The following FAM53B variants were observed in gnomAD, a reference collection of about 807,000 sequenced individuals.
FAM53B encodes the protein protein FAM53B.
FAM53B carries 12 observed loss-of-function variants against 32.7 expected under a neutral mutation model. That is an observed-to-expected ratio of 0.37 (90% CI 0.24 to 0.59). The LOEUF (loss-of-function observed/expected upper bound fraction) is 0.59. Among genes scored for constraint, FAM53B ranks in the 20% least tolerant of loss-of-function variants. FAM53B has a pLI of 0.72. For synonymous variants in FAM53B, 234 were observed against 228.7 expected (o/e 1.02, Z -0.21); for missense variants, 477 against 577.7 (o/e 0.83, Z 1.79).
At position 124,704,486 on chromosome 10, in the gene FAM53B, G is replaced by A. The variant is rs998624747; in HGVS notation, c.78+2150C>T. 5.3e-5 allele frequency among the ~76,000 whole-genome samples: 8 copies of A among 152,208 alleles called. No individual in the cohort carries two copies. The South Asian group carries it at 1.2e-3, about 24-fold the overall frequency. Reference sequence around the variant, plus strand: ...GTGGGGGTAAGGGGTGGGCGCTGGCGCTGGGACTGAACTGTAGGTTGAGTA... The same window carrying A: ...GTGGGGGTAAGGGGTGGGCGCTGGCACTGGGACTGAACTGTAGGTTGAGTA... On this transcript the variant is annotated intron_variant, in intron 2 of 4. Coordinates refer to ENST00000337318, the MANE Select transcript of FAM53B (RefSeq NM_014661.4).
At position 124,718,402 on chromosome 10, in the gene FAM53B, T is replaced by C. The variant is rs926879362; in HGVS notation, c.-174-11515A>G. ...ATCACATGGTAAGCCTTCCGCCTTC[T>C]CCCTTCTACCCCCACATCGCGCTGC... On this transcript the variant is annotated intron_variant, in intron 1 of 4. Transcript: ENST00000337318. Among the ~76,000 whole-genome samples, 12 of 152,246 alleles carry C rather than the reference T, an allele frequency of 7.9e-5. No individual in the cohort carries two copies. In the East Asian group the frequency reaches 1.5e-3, roughly 20 times the overall value.
At chr10:124,712,312 C>T (rs929904030) in intron 1 of FAM53B, among the ~76,000 whole-genome samples, 1 of 152,152 alleles carries the variant, frequency 6.6e-6, no homozygotes, top group Non-Finnish European at 1.5e-5. Context: ...GCCGAGATTA[C>T]ACCACTGTAC....
chr10:124,670,189 G>A (rs1282655612), intron 4 of FAM53B, among the ~76,000 whole-genome samples: 2 of 137,750 alleles, frequency 1.5e-5, no homozygotes, highest in African/African-American at 2.5e-5. Flanking sequence ...CACTTGCAGA[G>A]GTGCCTGACT....
chr10:124,691,791 G>A (rs1478538829), intron 3 of FAM53B, among the ~76,000 whole-genome samples: 1 of 152,208 alleles, frequency 6.6e-6, no homozygotes, highest in African/African-American at 2.4e-5. Context: ...GTCCCCCACT[G>A]CAAGTGGGAG....
chr10:124,667,056 G>A (rs374268508), intron 4 of FAM53B: 16 of 260,910 alleles, frequency 6.1e-5, no homozygotes, highest in African/African-American at 9.3e-5. Flanking sequence ...TCTTATACCC[G>A]TACCCCAAAG....
intron 4 of FAM53B, among the ~76,000 whole-genome samples, chr10:124,626,481 C>T (rs1949356726): frequency 6.7e-6 from 1 of 149,990 alleles, no homozygotes. Flanking sequence ...GGATGAGGGC[C>T]CATAACAGAG....
At chr10:124,728,654 C>T (rs1239134365) in intron 1 of FAM53B, among the ~76,000 whole-genome samples, 1 of 152,136 alleles carries the variant, frequency 6.6e-6, no homozygotes, top group Non-Finnish European at 1.5e-5. Flanking sequence ...GATATAGAAA[C>T]AAGAGGGGAG....
At chr10:124,702,027 T>C (rs1182184132) in intron 2 of FAM53B, among the ~76,000 whole-genome samples, 2 of 152,182 alleles carry the variant, frequency 1.3e-5, no homozygotes, top group Non-Finnish European at 2.9e-5. Flanking sequence ...CCTCCTCCAG[T>C]GCCACATGAC....
intron 1 of FAM53B, among the ~76,000 whole-genome samples, chr10:124,716,667 A>G (rs2181342): frequency 0.94 from 142,644 of 152,198 alleles, 67,518 homozygotes; most frequent in Non-Finnish European, 1. Context: ...AGGCACTCCC[A>G]TAATTCTCAC....
intron 4 of FAM53B, among the ~76,000 whole-genome samples, chr10:124,638,390 A>AAAACG (rs1949447881): frequency 1.3e-5 from 2 of 152,106 alleles, no homozygotes; most frequent in Non-Finnish European, 2.9e-5. Flanking sequence ...AAAACAAAAC[A>AAAACG]AAACAAAACA....
intron 4 of FAM53B, among the ~76,000 whole-genome samples, chr10:124,668,189 T>A (rs1215955793): frequency 6.6e-6 from 1 of 152,212 alleles, no homozygotes; most frequent in East Asian, 1.9e-4. Context: ...CCATTTCAGA[T>A]GAGATATTTT....
rs546836930 is a variant in FAM53B at position 124,629,213 on chromosome 10, G to A, written c.907-5609C>T. 5.3e-5 allele frequency among the ~76,000 whole-genome samples: 8 copies of A among 152,170 alleles called. No individual in the cohort carries two copies. The East Asian group carries it at 9.7e-4, about 18-fold the overall frequency. On this transcript the variant is annotated intron_variant, in intron 4 of 4. Transcript: ENST00000337318. ...CTGGGGAGGGGTGGTTGTTGGGGAC[G>A]CCTCTCCTCGGTTAGTCGGTGTCTT...
At position 124,706,681 on chromosome 10, in the gene FAM53B, G is replaced by A. The variant is rs753923351; in HGVS notation, c.33C>T (p.Thr11=). 1 of 1,614,184 alleles carries A rather than the reference G, an allele frequency of 6.2e-7. No individual in the cohort carries two copies. The highest frequency in any genetic ancestry group is 2.2e-5 in the East Asian group (1 of 44,872). ...CACATGCAATGGAGTCAGCTCCCCG[G>A]GTGCTGAGGCTTTCACTTAGGACCA... is the stretch of plus-strand genomic sequence containing the variant. MVMVLSESLS[T]RGADSIACGT... Residue 11 remains threonine (T), a synonymous_variant, in exon 2 of 5, where the codon ACC becomes ACT. Transcript: ENST00000337318.
intron 3 of FAM53B, among the ~76,000 whole-genome samples, chr10:124,694,114 G>GTA (rs1949852849): frequency 6.6e-6 from 1 of 151,774 alleles, no homozygotes; most frequent in African/African-American, 2.4e-5. Context: ...CCAGTACAAC[G>GTA]GCTCCCCGCT....
chr10:124,721,881 C>T (rs957130221), intron 1 of FAM53B, among the ~76,000 whole-genome samples: 2 of 152,110 alleles, frequency 1.3e-5, no homozygotes, highest in Admixed American at 1.3e-4. Flanking sequence ...GTGGCCTAAC[C>T]GCCTAACAGG....
chr10:124,620,366 C>CA lies in FAM53B; in HGVS notation c.*2875_*2876insT, dbSNP rs1171537339. On this transcript the variant is annotated 3_prime_UTR_variant, in exon 5 of 5. Transcript: ENST00000337318. ...GCATGTGGCACTAAGCCCCCCCCAC[C>CA]GCCCCGGCTTTCCTGCAGGCTTAGC... 1 of 148,798 alleles carries CA rather than the reference C, an allele frequency of 6.7e-6. No homozygotes were observed. The highest frequency in any genetic ancestry group is 1.5e-5 in the Non-Finnish European group (1 of 66,980). The allele number at this position is 148,798 out of a possible 1,614,324, so 9.2% of individuals were successfully genotyped here.
intron 4 of FAM53B, among the ~76,000 whole-genome samples, chr10:124,642,399 G>A (rs1189806911): frequency 6.6e-6 from 1 of 152,228 alleles, no homozygotes; most frequent in Non-Finnish European, 1.5e-5. Flanking sequence ...AGTTTCAAGG[G>A]TGGGGCAGTG....
intron 1 of FAM53B, among the ~76,000 whole-genome samples, chr10:124,718,669 G>GTGTA (rs1950050663): frequency 6.6e-6 from 1 of 152,246 alleles, no homozygotes; most frequent in Admixed American, 6.5e-5. Flanking sequence ...GCCGCTGCAT[G>GTGTA]TGTAACAACA....
At chr10:124,676,542 C>T (rs1949737303) in intron 4 of FAM53B, among the ~76,000 whole-genome samples, 1 of 152,206 alleles carries the variant, frequency 6.6e-6, no homozygotes, top group Admixed American at 6.5e-5. Flanking sequence ...TGTAGCCAAC[C>T]CCATGGCGAC....
Sources: gnomAD v4.1 joint callset for allele counts (sites outside exome capture counted in the v4.1 genomes callset) on GRCh38, gnomAD v4.1.1 for gene constraint, MANE v1.5 for transcripts, NCBI Gene and HGNC (gene_info 2026-07-23, HGNC 2026-07-21) for gene names.